CAMKMT: variants seen among roughly 807,000 people sequenced by gnomAD.
CAMKMT encodes the protein calmodulin-lysine N-methyltransferase.
A neutral mutation model predicts 48.0 loss-of-function variants in CAMKMT; 53 were observed. That is an observed-to-expected ratio of 1.10 (90% CI 0.89 to 1.39). The LOEUF (loss-of-function observed/expected upper bound fraction) is 1.39, where lower values mean the gene tolerates loss of function less well. Ranked by LOEUF, CAMKMT falls within the 40% of genes most tolerant of loss-of-function variation. CAMKMT has a pLI of 0.00. For synonymous variants in CAMKMT, 165 were observed against 152.3 expected, an observed-to-expected ratio of 1.08 and a Z score of -0.61; for missense variants, 428 against 402.7, an observed-to-expected ratio of 1.06 and a Z score of -0.54.
chr2:44,733,206 T>A (rs1679174873), intron 7 of CAMKMT, among the ~76,000 whole-genome samples: 1 of 152,208 alleles, frequency 6.6e-6, no homozygotes, highest in South Asian at 2.1e-4. Context: ...TTTACTTAGG[T>A]CTTATTTAAT....
Position 44,422,603 on chromosome 2 carries a change from C to T in CAMKMT, c.376+32298C>T, listed in dbSNP as rs72877248. ...GCTGTTGCTGCTGCAAATACTTTATCACCTGTATCTGTATTTTGCCTTACT... is the reference window on the plus strand; with the variant it reads ...GCTGTTGCTGCTGCAAATACTTTATTACCTGTATCTGTATTTTGCCTTACT... On this transcript the variant is annotated intron_variant, in intron 3 of 10. Coordinates refer to ENST00000378494, the MANE Select transcript of CAMKMT (RefSeq NM_024766.5). Among the ~76,000 whole-genome samples, 368 of 152,274 alleles carry T rather than the reference C, an allele frequency of 2.4e-3. 1 individual carries two copies. Among genetic ancestry groups the T allele is most frequent in the African/African-American group, 8.7e-3 (363 of 41,560 alleles).
chr2:44,436,870 A>T (rs1172221169), intron 3 of CAMKMT, among the ~76,000 whole-genome samples: 1 of 152,198 alleles, frequency 6.6e-6, no homozygotes, highest in Non-Finnish European at 1.5e-5. Context: ...TTTTCATCAA[A>T]AAAATAAAAA....
chr2:44,411,330 G>A (rs1434373199), intron 3 of CAMKMT, among the ~76,000 whole-genome samples: 1 of 152,004 alleles, frequency 6.6e-6, no homozygotes, highest in Non-Finnish European at 1.5e-5. Context: ...GGATACAAAG[G>A]TGAAAAAAAG....
In CAMKMT at chr2:44,754,039, C is replaced by G. The variant is rs1272829362; in HGVS notation, c.699-16C>G. ...AACCCAGTTTAATCTGGATTCTGCT[C>G]TCTTCTCAATGTCAGCCTGTTTCTG... On this transcript the variant is annotated splice_polypyrimidine_tract_variant and intron_variant, in intron 8 of 10. Coordinates refer to ENST00000378494, the MANE Select transcript of CAMKMT (RefSeq NM_024766.5). The G allele has an allele frequency of 1.2e-6, 2 of 1,610,392 alleles. No homozygotes were observed. Among genetic ancestry groups the G allele is most frequent in the Non-Finnish European group, 1.7e-6 (2 of 1,177,128 alleles).
chr2:44,605,025 C>T (rs1671205571), intron 3 of CAMKMT, among the ~76,000 whole-genome samples: 1 of 152,138 alleles, frequency 6.6e-6, no homozygotes, highest in South Asian at 2.1e-4. Context: ...TGAGGACATG[C>T]AATTACAAGG....
intron 3 of CAMKMT, among the ~76,000 whole-genome samples, chr2:44,609,161 G>A (rs1278306707): frequency 6.6e-6 from 1 of 152,214 alleles, no homozygotes; most frequent in Non-Finnish European, 1.5e-5. Flanking sequence ...TCTCACCGAA[G>A]TAGAGGGTAG....
intron 3 of CAMKMT, among the ~76,000 whole-genome samples, chr2:44,493,571 G>A (rs922155918): frequency 1.3e-5 from 2 of 152,110 alleles, no homozygotes; most frequent in Non-Finnish European, 2.9e-5. Flanking sequence ...TCTTCTTCAT[G>A]AGATGTGTTT....
intron 7 of CAMKMT, among the ~76,000 whole-genome samples, chr2:44,716,568 A>G (rs1678184993): frequency 6.6e-6 from 1 of 152,214 alleles, no homozygotes; most frequent in South Asian, 2.1e-4. Context: ...TGTGTTTCTC[A>G]TATAAATGAA....
intron 3 of CAMKMT, among the ~76,000 whole-genome samples, chr2:44,430,886 G>A (rs1056142368): frequency 6.6e-6 from 1 of 152,118 alleles, no homozygotes. Flanking sequence ...AAGTTGTAAT[G>A]TTAAATTAGT....
chr2:44,450,130 G>A (rs1018092486), intron 3 of CAMKMT, among the ~76,000 whole-genome samples: 2 of 152,136 alleles, frequency 1.3e-5, no homozygotes, highest in Admixed American at 6.6e-5. Flanking sequence ...TGGATTTCCA[G>A]TGAGCATATA....
intron 2 of CAMKMT, among the ~76,000 whole-genome samples, chr2:44,389,878 T>C (rs999942921): frequency 6.6e-6 from 1 of 152,108 alleles, no homozygotes; most frequent in Non-Finnish European, 1.5e-5. Flanking sequence ...TATTGTTGAG[T>C]GTGGTTCTGG....
intron 3 of CAMKMT, among the ~76,000 whole-genome samples, chr2:44,586,420 C>A (rs1268872287): frequency 6.6e-6 from 1 of 152,080 alleles, no homozygotes; most frequent in African/African-American, 2.4e-5. Flanking sequence ...TTTTCCCCTG[C>A]TCTTTTGTAG....
chr2:44,371,961 C>A (rs1192327608), intron 1 of CAMKMT, among the ~76,000 whole-genome samples: 1 of 152,140 alleles, frequency 6.6e-6, no homozygotes, highest in Admixed American at 6.6e-5. Flanking sequence ...TGGCTTTTAG[C>A]AACACCAGCA....
intron 3 of CAMKMT, among the ~76,000 whole-genome samples, chr2:44,497,589 G>C (rs985431523): frequency 7.9e-5 from 12 of 151,982 alleles, no homozygotes; most frequent in African/African-American, 2.9e-4. Context: ...CTGTTCTTTT[G>C]GGGGAATAAA....
intron 3 of CAMKMT, among the ~76,000 whole-genome samples, chr2:44,617,097 T>C (rs1466256245): frequency 1.3e-5 from 2 of 152,174 alleles, no homozygotes; most frequent in Non-Finnish European, 2.9e-5. Context: ...AATAAACATG[T>C]TTAAACTTTG....
intron 3 of CAMKMT, among the ~76,000 whole-genome samples, chr2:44,606,554 A>T (rs6759187): frequency 0.12 from 18,653 of 152,156 alleles, 1,319 homozygotes; most frequent in Admixed American, 0.22. Context: ...AGAAGATGAT[A>T]TGGTGAGCTT....
At chr2:44,490,900 AAC>A (rs1415081224) in intron 3 of CAMKMT, among the ~76,000 whole-genome samples, 1 of 152,178 alleles carries the variant, frequency 6.6e-6, no homozygotes, top group East Asian at 1.9e-4. Flanking sequence ...CTGTAATTAC[AAC>A]ACTTTGGGAG....
chr2:44,766,512 T>A lies in CAMKMT; in HGVS notation c.845T>A (p.Ile282Asn), dbSNP rs779697528. The change falls in exon 10 of 11, where the codon ATC becomes AAC. Residue 282 changes from isoleucine to asparagine, a missense_variant. Transcript: ENST00000378494. ...CTAGCTGAAAAAGCTGGTTTCTGTA[T>A]CCAAAGACATGAAAATTATGATGAA... ...CNLAEKAGFC[I>N]QRHENYDEHI... 1.2e-6 allele frequency: 2 copies of A among 1,614,164 alleles called. No homozygotes were observed. Among genetic ancestry groups the A allele is most frequent in the Middle Eastern group, 3.3e-4 (2 of 6,062 alleles).
chr2:44,581,545 TAAATA>T (rs2103776285), intron 3 of CAMKMT, among the ~76,000 whole-genome samples: 1 of 152,362 alleles, frequency 6.6e-6, no homozygotes, highest in Non-Finnish European at 1.5e-5. Context: ...CAATGTTACT[TAAATA>T]AATTATTGCA....
Sources: gnomAD v4.1 joint callset for allele counts (sites outside exome capture counted in the v4.1 genomes callset) on GRCh38, gnomAD v4.1.1 for gene constraint, MANE v1.5 for transcripts, NCBI Gene and HGNC (gene_info 2026-07-23, HGNC 2026-07-21) for gene names.